The following ARMC9 variants were observed in gnomAD, a reference collection of about 807,000 sequenced individuals.
ARMC9 encodes the protein lisH domain-containing protein ARMC9.
A neutral mutation model predicts 107.0 loss-of-function variants in ARMC9; 94 were observed. The ratio of observed to expected loss-of-function variants is 0.88; its 90% CI spans 0.74 to 1.04. ARMC9 has a LOEUF of 1.04. Among genes scored for constraint, ARMC9 ranks in the 50% least tolerant of loss-of-function variants. ARMC9 has a pLI of 0.00. For missense variants in ARMC9, 942 were observed against 1,030.1 expected, an observed-to-expected ratio of 0.91 and a Z score of 1.17; for synonymous variants, 380 against 396.9, an observed-to-expected ratio of 0.96 and a Z score of 0.51.
chr2:231,213,157 G>GT (rs1315878866), intron 3 of ARMC9, among the ~76,000 whole-genome samples: 6 of 143,044 alleles, frequency 4.2e-5, no homozygotes, highest in Admixed American at 1.4e-4. Flanking sequence ...ATCTGTAAAC[G>GT]TTTTTTCTTT....
rs765311254 is a variant in ARMC9 at position 231,239,988 on chromosome 2, A to C, written c.826A>C (p.Asn276His). Residue 276 changes from asparagine (N) to histidine (H), a missense_variant, in exon 9 of 25, where the codon AAC becomes CAC. Asn to His is a moderately conservative substitution (Grantham distance 68). Coordinates refer to ENST00000611582, the MANE Select transcript of ARMC9 (RefSeq NM_001352754.2). ...LQSVCVRLFSNQMRQSLAHSV... is the reference protein window; with the variant it reads ...LQSVCVRLFSHQMRQSLAHSV... The stretch of plus-strand genomic sequence containing the variant: ...GAGCGTCTGTGTCCGCCTGTTCAGT[A>C]ACCAGATGCGGCAGAGCCTGGCGCA... The C allele has an allele frequency of 2.5e-6, 4 of 1,613,910 alleles. No homozygotes were observed. Among genetic ancestry groups the C allele is most frequent in the Admixed American group, 1.7e-5 (1 of 59,996 alleles).
intron 21 of ARMC9, 33 bp from the exon 22 acceptor site, chr2:231,355,765 G>A (rs2125590752): frequency 6.6e-7 from 1 of 1,517,250 alleles, no homozygotes; most frequent in East Asian, 2.5e-5. Context: ...CTGGCTGGCT[G>A]TACTCACTGC....
At chr2:231,246,390 A>T (rs967332606) in intron 9 of ARMC9, among the ~76,000 whole-genome samples, 5 of 152,176 alleles carry the variant, frequency 3.3e-5, no homozygotes, top group African/African-American at 9.6e-5. Flanking sequence ...AGTATCTGTT[A>T]TTCTGATCTT....
intron 18 of ARMC9, 69 bp from the exon 19 acceptor site, chr2:231,296,129 C>A: frequency 8.2e-7 from 1 of 1,225,058 alleles, no homozygotes; most frequent in Non-Finnish European, 1.2e-6. Flanking sequence ...TCTGCAGAGG[C>A]TGACAGATTC....
intron 20 of ARMC9, among the ~76,000 whole-genome samples, chr2:231,334,129 T>C (rs1168551033): frequency 6.6e-6 from 1 of 152,202 alleles, no homozygotes; most frequent in Non-Finnish European, 1.5e-5. Context: ...AAGGAAACCA[T>C]GGGTGGACAT....
intron 12 of ARMC9, among the ~76,000 whole-genome samples, chr2:231,263,064 C>T (rs1223877490): frequency 1.3e-5 from 2 of 152,192 alleles, no homozygotes; most frequent in Non-Finnish European, 2.9e-5. Context: ...GCCCCTCCTA[C>T]CTGTATCTGC....
intron 7 of ARMC9, among the ~76,000 whole-genome samples, chr2:231,231,148 G>A (rs60064444): frequency 0.12 from 17,857 of 152,120 alleles, 2,032 homozygotes; most frequent in African/African-American, 0.29. Context: ...TGTGCAGTCC[G>A]GAGGGACTGC....
At chr2:231,339,054 G>A (rs1051565138) in intron 20 of ARMC9, among the ~76,000 whole-genome samples, 3 of 152,200 alleles carry the variant, frequency 2.0e-5, no homozygotes, top group African/African-American at 4.8e-5. Context: ...TATAGGCTGG[G>A]TGTGGTGGCT....
intron 23 of ARMC9, among the ~76,000 whole-genome samples, chr2:231,369,547 G>A (rs545638430): frequency 6.6e-6 from 1 of 151,068 alleles, no homozygotes; most frequent in East Asian, 1.9e-4. Flanking sequence ...GCCCGCCTCG[G>A]CCTCCCAAAG....
chr2:231,325,527 C>G lies in ARMC9; in HGVS notation c.1774-6266C>G, dbSNP rs535465851. Among the ~76,000 whole-genome samples the G allele has an allele frequency of 8.5e-5, 13 of 152,266 alleles. No homozygotes were observed. In the South Asian group the frequency reaches 2.7e-3, roughly 32 times the overall value. On this transcript the variant is annotated intron_variant, in intron 19 of 24. Coordinates refer to ENST00000611582, the MANE Select transcript of ARMC9 (RefSeq NM_001352754.2). ...TTGGTGAAACTGTGATTCCAATGCCCATTTCCAGCTGGGGCCTCTGAGGCT... is the reference window on the plus strand; with the variant it reads ...TTGGTGAAACTGTGATTCCAATGCCGATTTCCAGCTGGGGCCTCTGAGGCT...
intron 22 of ARMC9, among the ~76,000 whole-genome samples, chr2:231,359,085 T>G (rs113019395): frequency 9.6e-6 from 1 of 104,036 alleles, no homozygotes; most frequent in Non-Finnish European, 1.7e-5. Flanking sequence ...GTCTCCTGTT[T>G]TTTTTTTTTT....
intron 19 of ARMC9, among the ~76,000 whole-genome samples, chr2:231,304,408 T>C (rs1274633655): frequency 1.3e-5 from 2 of 152,274 alleles, no homozygotes; most frequent in Non-Finnish European, 2.9e-5. Flanking sequence ...ATTTTTTGTT[T>C]GTTTGAGACG....
At chr2:231,331,717 A>G in intron 19 of ARMC9, 76 bp from the exon 20 acceptor site, 1 of 1,286,284 alleles carries the variant, frequency 7.8e-7, no homozygotes, top group Non-Finnish European at 1.1e-6. Context: ...CATGACAGCT[A>G]CACATTCTGG....
At chr2:231,278,665 C>A (rs144716686) in intron 16 of ARMC9, among the ~76,000 whole-genome samples, 1 of 152,164 alleles carries the variant, frequency 6.6e-6, no homozygotes, top group Non-Finnish European at 1.5e-5. Flanking sequence ...ATGTTCTTTC[C>A]GTCCCTGTCT....
At chr2:231,326,975 C>T (rs935978905) in intron 19 of ARMC9, among the ~76,000 whole-genome samples, 2 of 152,112 alleles carry the variant, frequency 1.3e-5, no homozygotes, top group South Asian at 4.1e-4. Context: ...GATGGCCTGC[C>T]CTCCCCCTGC....
intron 17 of ARMC9, among the ~76,000 whole-genome samples, chr2:231,284,117 C>T (rs962224750): frequency 3.3e-5 from 5 of 152,182 alleles, no homozygotes; most frequent in African/African-American, 1.2e-4. Context: ...TTATAATACC[C>T]CATTTTTACT....
intron 11 of ARMC9, among the ~76,000 whole-genome samples, chr2:231,261,258 G>A (rs1235951454): frequency 2.0e-5 from 3 of 152,096 alleles, no homozygotes; most frequent in Admixed American, 6.5e-5. Context: ...TGTACACACC[G>A]ATGTGCACAC....
At chr2:231,328,183 A>T (rs2043462575) in intron 19 of ARMC9, among the ~76,000 whole-genome samples, 3 of 152,016 alleles carry the variant, frequency 2.0e-5, no homozygotes, top group Non-Finnish European at 4.4e-5. Flanking sequence ...TCATGTGCTT[A>T]TTGCCATCTG....
At chr2:231,210,173 A>G (rs2032622536) in intron 3 of ARMC9, among the ~76,000 whole-genome samples, 1 of 152,024 alleles carries the variant, frequency 6.6e-6, no homozygotes, top group Non-Finnish European at 1.5e-5. Flanking sequence ...TGGCCCGTGG[A>G]GCTCAAGGCA....
Sources: allele counts gnomAD v4.1 joint callset (sites outside exome capture counted in the v4.1 genomes callset), GRCh38; gene constraint gnomAD v4.1.1; transcripts MANE v1.5; gene names NCBI Gene and HGNC (gene_info 2026-07-23, HGNC 2026-07-21).